The following OPRM1 variants were observed in gnomAD, a reference collection of about 807,000 sequenced individuals.
The protein encoded by OPRM1 is mu-type opioid receptor.
In OPRM1, 27 loss-of-function variants were observed where a neutral mutation model predicts 31.8. The ratio of observed to expected loss-of-function variants is 0.85; its 90% CI spans 0.63 to 1.17. The LOEUF is 1.17. Among genes scored for constraint, OPRM1 ranks in the 50% most tolerant of loss-of-function variants. OPRM1 has a pLI of 0.00. For synonymous variants in OPRM1, 196 were observed against 189.9 expected, an observed-to-expected ratio of 1.03 and a Z score of -0.26; for missense variants, 536 against 511.1, an observed-to-expected ratio of 1.05 and a Z score of -0.47.
At chr6:154,039,945 T>C (rs1779711314) in intron 1 of OPRM1, 111 bp downstream of exon 1, 3 of 933,192 alleles carry the variant, frequency 3.2e-6, no homozygotes, top group Non-Finnish European at 4.7e-6. Context: ...AGAGGGGAGG[T>C]AAACTGGGGG....
At position 154,128,503 on chromosome 6, in the gene OPRM1, A is replaced by G. The variant is rs538248920; in HGVS notation, c.*9782A>G. Among the ~76,000 whole-genome samples the G allele has an allele frequency of 7.3e-4, 111 of 152,338 alleles. 1 individual carries two copies. In the South Asian group the frequency reaches 0.022, roughly 31 times the overall value. Reference sequence around the variant, plus strand: ...GTCCGTTGAGGATCCTTGTGCCAGGATGTATGTTGCCCCATGAATGTGCAC... The same window carrying G: ...GTCCGTTGAGGATCCTTGTGCCAGGGTGTATGTTGCCCCATGAATGTGCAC... On this transcript the variant is annotated 3_prime_UTR_variant, in exon 4 of 4. Transcript: ENST00000330432.
chr6:154,165,011 C>T (rs567586409), intron 3 of OPRM1, among the ~76,000 whole-genome samples: 7 of 152,202 alleles, frequency 4.6e-5, no homozygotes, highest in Admixed American at 6.5e-5. Flanking sequence ...AATGCACCTG[C>T]GGCAAATATA....
Position 154,039,701 on chromosome 6 carries a change from G to T in OPRM1, c.157G>T (p.Gly53Cys), listed in dbSNP as rs755984329. The T allele has an allele frequency of 6.2e-7, 1 of 1,613,630 alleles. No homozygotes were observed. Among genetic ancestry groups the T allele is most frequent in the East Asian group, 2.2e-5 (1 of 44,876 alleles). The change falls in exon 1 of 4, where the codon GGC becomes TGC. Residue 53 changes from glycine to cysteine, a missense_variant. Physicochemically the swap from Gly to Cys is radical, Grantham distance 159. Coordinates refer to ENST00000330432, the MANE Select transcript of OPRM1 (RefSeq NM_000914.5). Reference sequence around the variant, plus strand: ...ATGCGGTCCGAACCGCACCGACCTGGGCGGGAGAGACAGCCTGTGCCCTCC... The same window carrying T: ...ATGCGGTCCGAACCGCACCGACCTGTGCGGGAGAGACAGCCTGTGCCCTCC... ...DPCGPNRTDLGGRDSLCPPTG... is the reference protein window; with the variant it reads ...DPCGPNRTDLCGRDSLCPPTG...
At chr6:154,196,042 G>A (rs766375036) in intron 3 of OPRM1, among the ~76,000 whole-genome samples, 6 of 151,880 alleles carry the variant, frequency 4.0e-5, no homozygotes, top group South Asian at 2.1e-4. Flanking sequence ...CGCCTACCTC[G>A]GCCTCACAAA....
Position 154,120,635 on chromosome 6 carries a change from A to G in OPRM1, c.*1914A>G, listed in dbSNP as rs1027257188. 2.6e-5 allele frequency among the ~76,000 whole-genome samples: 4 copies of G among 152,206 alleles called. No homozygotes were observed. The highest frequency in any genetic ancestry group is 5.9e-5 in the Non-Finnish European group (4 of 68,036). ...AAGTAAAATGGATAATTCAAACAGAACACAATGTAATATTTGTATGTAAAT... is the reference window on the plus strand; with the variant it reads ...AAGTAAAATGGATAATTCAAACAGAGCACAATGTAATATTTGTATGTAAAT... On this transcript the variant is annotated 3_prime_UTR_variant, in exon 4 of 4. Transcript: ENST00000330432.
At chr6:154,075,888 G>C (rs930092619) in intron 1 of OPRM1, among the ~76,000 whole-genome samples, 1 of 152,116 alleles carries the variant, frequency 6.6e-6, no homozygotes, top group African/African-American at 2.4e-5. Context: ...TGATCTCTCT[G>C]AGCCTTAGTT....
At chr6:154,166,204 A>G (rs1415531229) in intron 3 of OPRM1, among the ~76,000 whole-genome samples, 1 of 152,262 alleles carries the variant, frequency 6.6e-6, no homozygotes, top group African/African-American at 2.4e-5. Context: ...ACAGAAAAGC[A>G]AAAGCTGCTG....
At position 154,187,212 on chromosome 6, in the gene OPRM1, A is replaced by ATTTT. The variant is rs1370844484; in HGVS notation, c.1165-59481_1165-59480insTTTT. On this transcript the variant is annotated intron_variant, in intron 3 of 3. Coordinates refer to the OPRM1 transcript ENST00000337049. ...CGACTTATCAGAGAGATTTTCCAGG[A>ATTTT]CTACCAATGTAAAATCACACACCCC... is the stretch of plus-strand genomic sequence containing the variant. 2.5e-3 allele frequency among the ~76,000 whole-genome samples: 383 copies of ATTTT among 152,214 alleles called. 2 individuals carry two copies. The highest frequency in any genetic ancestry group is 9.1e-3 in the African/African-American group (377 of 41,528).
chr6:154,210,855 TTA>T lies in OPRM1; in HGVS notation c.1165-35836_1165-35835del, dbSNP rs201000863. On this transcript the variant is annotated intron_variant, in intron 3 of 3. Coordinates refer to the OPRM1 transcript ENST00000337049. Reference sequence around the variant, plus strand: ...TTAATAAACATTTATTCAACAATATTTATGTCTTTTCTTGGCTGCTAGCCAAA... The same window carrying T: ...TTAATAAACATTTATTCAACAATATTTGTCTTTTCTTGGCTGCTAGCCAAA... Among the ~76,000 whole-genome samples the T allele has an allele frequency of 8.2e-3, 1,254 of 152,330 alleles. 22 individuals carry two copies. Among genetic ancestry groups the T allele is most frequent in the African/African-American group, 0.028 (1,182 of 41,574 alleles).
intron 1 of OPRM1, among the ~76,000 whole-genome samples, chr6:154,015,547 C>T (rs1777957310): frequency 1.3e-5 from 2 of 151,868 alleles, no homozygotes; most frequent in South Asian, 4.1e-4. Flanking sequence ...AAATTAAACC[C>T]TGTAGTACTA....
intron 3 of OPRM1, chr6:154,214,253 G>A: frequency 7.4e-6 from 12 of 1,611,122 alleles, no homozygotes; most frequent in Non-Finnish European, 1.0e-5. Flanking sequence ...ATGGATTACA[G>A]CCGATCCAAG....
rs540218080 is a variant in OPRM1, at chr6:154,201,724, G to A, written c.1165-44969G>A. 3.9e-5 allele frequency among the ~76,000 whole-genome samples: 6 copies of A among 151,942 alleles called. No individual in the cohort carries two copies. The East Asian group carries it at 7.7e-4, about 20-fold the overall frequency. ...AGCCTGGCCAACATGGCGAAACCCC[G>A]TCTCTACTAAAAATACAAAAATTAG... is the stretch of plus-strand genomic sequence containing the variant. On this transcript the variant is annotated intron_variant, in intron 3 of 3. Transcript: ENST00000337049.
chr6:154,183,058 C>T (rs1583730744), intron 3 of OPRM1, among the ~76,000 whole-genome samples: 1 of 152,064 alleles, frequency 6.6e-6, no homozygotes, highest in African/African-American at 2.4e-5. Flanking sequence ...CAGCTCACTG[C>T]AACCTCTGCC....
At chr6:154,150,176 A>G (rs923364799) in intron 3 of OPRM1, among the ~76,000 whole-genome samples, 11 of 152,228 alleles carry the variant, frequency 7.2e-5, no homozygotes, top group African/African-American at 2.7e-4. Context: ...CCAGGCTTTC[A>G]AGGAGAGCCA....
chr6:154,108,044 A>G lies in OPRM1; in HGVS notation c.1165-10639A>G, dbSNP rs1478685696. ...GAAAGAAGACAGAAATCTGACTGGT[A>G]AGAAATTGTTACCCTTTTGCCAGCA... On this transcript the variant is annotated intron_variant, in intron 3 of 3. Coordinates refer to ENST00000330432, the MANE Select transcript of OPRM1 (RefSeq NM_000914.5). The G allele has an allele frequency of 4.5e-6, 3 of 663,782 alleles. No individual in the cohort carries two copies. The Admixed American group carries it at 6.5e-5, about 14-fold the overall frequency. 41.1% of individuals were successfully genotyped at this position (663,782 alleles called of 1,614,324 possible). A position where few individuals can be genotyped will look rare whatever the true frequency, so the allele number is the denominator to read the frequency against.
At chr6:154,107,533 G>A in intron 3 of OPRM1, 1 of 718,582 alleles carries the variant, frequency 1.4e-6, no homozygotes, top group Non-Finnish European at 2.6e-6. Context: ...ATGCAGGGCA[G>A]TCTCCATTTC....
intron 3 of OPRM1, among the ~76,000 whole-genome samples, chr6:154,165,545 T>C (rs61166169): frequency 1.2e-3 from 184 of 152,274 alleles, no homozygotes; most frequent in African/African-American, 4.3e-3. Flanking sequence ...TTCTATTTCA[T>C]CAGCCCCAAG....
intron 3 of OPRM1, among the ~76,000 whole-genome samples, chr6:154,238,675 T>C (rs369536565): frequency 2.6e-5 from 4 of 152,124 alleles, no homozygotes; most frequent in South Asian, 4.1e-4. Context: ...TATGAGCACA[T>C]ACTACTGTAT....
chr6:154,063,047 AAC>A (rs1049969802), intron 1 of OPRM1, among the ~76,000 whole-genome samples: 2 of 152,018 alleles, frequency 1.3e-5, no homozygotes, highest in African/African-American at 4.8e-5. Context: ...ATCTCCAGAA[AAC>A]ACACACACAA....
Sources: allele counts gnomAD v4.1 joint callset (sites outside exome capture counted in the v4.1 genomes callset), GRCh38; gene constraint gnomAD v4.1.1; transcripts MANE v1.5; gene names NCBI Gene and HGNC (gene_info 2026-07-23, HGNC 2026-07-21).